The following EVI5 variants were observed in gnomAD, a reference collection of about 807,000 sequenced individuals.
EVI5 encodes the protein ecotropic viral integration site 5 protein homolog.
Under a neutral mutation model 112.0 loss-of-function variants are expected in EVI5, and 73 were observed. That is an observed-to-expected ratio of 0.65 (90% CI 0.54 to 0.79). EVI5 has a LOEUF of 0.79. Among genes scored for constraint, EVI5 ranks in the 30% least tolerant of loss-of-function variants. EVI5 has a pLI of 0.00. For synonymous variants in EVI5, 305 were observed against 319.9 expected (o/e 0.95, Z 0.50); for missense variants, 900 against 968.8 (o/e 0.93, Z 0.94).
At chr1:92,572,371 A>G (rs1670440616) in intron 18 of EVI5, among the ~76,000 whole-genome samples, 1 of 152,146 alleles carries the variant, frequency 6.6e-6, no homozygotes. Flanking sequence ...TTCACTGTAC[A>G]ATTCTTTCAA....
At chr1:92,708,825 A>G (rs1672414728) in intron 2 of EVI5, among the ~76,000 whole-genome samples, 2 of 152,202 alleles carry the variant, frequency 1.3e-5, no homozygotes, top group South Asian at 4.1e-4. Flanking sequence ...ATGAACCTTG[A>G]AAACATGATG....
At position 92,624,685 on chromosome 1, in the gene EVI5, ACTT is replaced by A. The variant is rs1334959809; in HGVS notation, c.1669-354_1669-352del. ...TGTTGAAACCCTGTCTCTAGTCTCT[ACTT>A]CAAAAAAAAAAAAAAAAAAAAAAAA... On this transcript the variant is annotated intron_variant, in intron 15 of 19. Coordinates refer to ENST00000684568, the MANE Select transcript of EVI5 (RefSeq NM_001350197.2). Among the ~76,000 whole-genome samples, 4 of 91,440 alleles carry A rather than the reference ACTT, an allele frequency of 4.4e-5. No individual in the cohort carries two copies. The South Asian group carries it at 1.6e-3, about 37-fold the overall frequency. The allele number at this position is 91,440 out of a possible 152,430, so 60.0% of individuals were successfully genotyped here.
At chr1:92,665,833 C>G (rs572614546) in intron 11 of EVI5, 106 bp downstream of exon 11, 2 of 726,014 alleles carry the variant, frequency 2.8e-6, no homozygotes. Context: ...GCAGTCAATA[C>G]TACAACATAG....
chr1:92,714,656 C>T (rs1673343076), intron 2 of EVI5, among the ~76,000 whole-genome samples: 1 of 152,168 alleles, frequency 6.6e-6, no homozygotes, highest in Admixed American at 6.5e-5. Flanking sequence ...GTAATGTGAT[C>T]AGAGCTCACT....
intron 13 of EVI5, among the ~76,000 whole-genome samples, chr1:92,661,481 G>A (rs1290781469): frequency 6.6e-6 from 1 of 151,950 alleles, no homozygotes; most frequent in Admixed American, 6.5e-5. Context: ...TATGCTAAAT[G>A]CAAACAATAC....
intron 6 of EVI5, among the ~76,000 whole-genome samples, chr1:92,697,002 T>C (rs1174448173): frequency 6.6e-6 from 1 of 152,102 alleles, no homozygotes; most frequent in Non-Finnish European, 1.5e-5. Flanking sequence ...ACCACGCCAC[T>C]GCACTCCAGC....
At chr1:92,683,040 A>G (rs1326293605) in intron 9 of EVI5, among the ~76,000 whole-genome samples, 1 of 152,218 alleles carries the variant, frequency 6.6e-6, no homozygotes, top group Non-Finnish European at 1.5e-5. Flanking sequence ...CTAATCTAGG[A>G]CCTAACTGGC....
chr1:92,651,850 C>CAAAA (rs35991116), intron 13 of EVI5, among the ~76,000 whole-genome samples: 1 of 90,658 alleles, frequency 1.1e-5, no homozygotes, highest in African/African-American at 5.8e-5. Context: ...GACTCCGTCT[C>CAAAA]AAAAAAAAAA....
intron 1 of EVI5, among the ~76,000 whole-genome samples, chr1:92,777,087 C>T (rs1233927541): frequency 1.3e-5 from 2 of 152,064 alleles, no homozygotes; most frequent in African/African-American, 4.8e-5. Flanking sequence ...CAGGTGTGAA[C>T]CACTGCACCC....
intron 1 of EVI5, among the ~76,000 whole-genome samples, chr1:92,782,650 G>C (rs1041466511): frequency 2.0e-5 from 3 of 152,044 alleles, no homozygotes; most frequent in Non-Finnish European, 4.4e-5. Context: ...CCTGCTAATT[G>C]GTAGAACCAC....
At chr1:92,554,268 A>T (rs1382252925) in intron 19 of EVI5, among the ~76,000 whole-genome samples, 1 of 152,188 alleles carries the variant, frequency 6.6e-6, no homozygotes, top group Non-Finnish European at 1.5e-5. Context: ...CAATTAAACA[A>T]ATGCTTATAG....
intron 19 of EVI5, among the ~76,000 whole-genome samples, chr1:92,529,657 C>G (rs1055377984): frequency 6.6e-6 from 1 of 152,100 alleles, no homozygotes; most frequent in Admixed American, 6.5e-5. Flanking sequence ...TTATTGGTAG[C>G]TTGACCATTT....
intron 9 of EVI5, among the ~76,000 whole-genome samples, chr1:92,678,252 T>C (rs1335064806): frequency 6.6e-6 from 1 of 152,174 alleles, no homozygotes; most frequent in Admixed American, 6.5e-5. Context: ...AACATGACAC[T>C]GACCACGGTG....
chr1:92,514,335 T>A (rs2101634507), intron 19 of EVI5, among the ~76,000 whole-genome samples: 1 of 152,122 alleles, frequency 6.6e-6, no homozygotes, highest in African/African-American at 2.4e-5. Flanking sequence ...TTTGTATTTT[T>A]TGTAGACACG....
At chr1:92,675,025 T>G (rs1485929552) in intron 10 of EVI5, among the ~76,000 whole-genome samples, 1 of 152,212 alleles carries the variant, frequency 6.6e-6, no homozygotes, top group Non-Finnish European at 1.5e-5. Flanking sequence ...AACTATATAT[T>G]TCCTCAAAAA....
At chr1:92,695,879 A>C (rs1279948186) in intron 6 of EVI5, among the ~76,000 whole-genome samples, 3 of 152,148 alleles carry the variant, frequency 2.0e-5, no homozygotes, top group African/African-American at 7.2e-5. Flanking sequence ...GAATAGGAAA[A>C]ATATTCAAAA....
intron 1 of EVI5, among the ~76,000 whole-genome samples, chr1:92,765,215 C>CTTTT (rs533143502): frequency 8.6e-6 from 1 of 116,430 alleles, no homozygotes; most frequent in African/African-American, 3.3e-5. Flanking sequence ...TTTTTCCTTC[C>CTTTT]TTTTTTTTTT....
intron 19 of EVI5, among the ~76,000 whole-genome samples, chr1:92,557,962 T>A (rs1335614874): frequency 6.6e-6 from 1 of 152,150 alleles, no homozygotes; most frequent in Non-Finnish European, 1.5e-5. Context: ...AGTCTCAAAC[T>A]CCTGACCTCA....
At chr1:92,754,848 A>C (rs1435527489) in intron 1 of EVI5, among the ~76,000 whole-genome samples, 1 of 152,250 alleles carries the variant, frequency 6.6e-6, no homozygotes, top group Non-Finnish European at 1.5e-5. Flanking sequence ...AAGGAAGTGG[A>C]GACCACTGAC....
Sources: allele counts gnomAD v4.1 joint callset (sites outside exome capture counted in the v4.1 genomes callset), GRCh38; gene constraint gnomAD v4.1.1; transcripts MANE v1.5; gene names NCBI Gene and HGNC (gene_info 2026-07-23, HGNC 2026-07-21).